The following KRT27 variants were observed in gnomAD, a reference collection of about 807,000 sequenced individuals.
KRT27 encodes keratin 27, also known as keratin, type I cytoskeletal 27.
A neutral mutation model predicts 45.3 loss-of-function variants in KRT27; 30 were observed. The ratio of observed to expected loss-of-function variants is 0.66; its 90% CI spans 0.50 to 0.90. The LOEUF is 0.90. Among genes scored for constraint, KRT27 ranks in the 40% least tolerant of loss-of-function variants. The probability of loss-of-function intolerance (pLI) is 0.00; values close to 1 mark genes in which losing one functional copy is unlikely to be tolerated. For synonymous variants in KRT27, 204 were observed against 223.9 expected, an observed-to-expected ratio of 0.91 and a Z score of 0.79; for missense variants, 610 against 564.3, an observed-to-expected ratio of 1.08 and a Z score of -0.82.
Position 40,782,144 on chromosome 17 carries a change from T to A in KRT27, c.350A>T (p.Lys117Met). ...EANADLEQKI[K>M]GWYEKFGPGS... is the part of the protein sequence containing the mutation. ...AGGTCCAAATTTCTCATACCACCCC[T>A]TGATCTTCTGCTCCAAGTCAGCGTT... Residue 117 changes from lysine to methionine, a missense_variant, in exon 1 of 8, where the codon AAG becomes ATG. By Grantham distance (95) the Lys-to-Met change is moderately conservative. Transcript: ENST00000301656. The A allele has an allele frequency of 6.2e-7, 1 of 1,614,186 alleles. No homozygotes were observed. The highest frequency in any genetic ancestry group is 8.5e-7 in the Non-Finnish European group (1 of 1,180,024).
Position 40,782,088 on chromosome 17 carries a change from T to A in KRT27, c.406A>T (p.Ser136Cys). 1 of 1,613,598 alleles carries A rather than the reference T, an allele frequency of 6.2e-7. No homozygotes were observed. ...TCGTCAATAATTGGGAAATATCTGC[T>A]GTAATCATGATCAAGGCCACGGCAA... ...GSCRGLDHDYSRYFPIIDELK... is the reference protein window; with the variant it reads ...GSCRGLDHDYCRYFPIIDELK... The change falls in exon 1 of 8, where the codon AGC becomes TGC. Residue 136 changes from serine (S) to cysteine (C), a missense_variant. By Grantham distance (112) the Ser-to-Cys change is moderately radical (BLOSUM62 -1). Coordinates refer to ENST00000301656, the MANE Select transcript of KRT27 (RefSeq NM_181537.4).
At position 40,782,418 on chromosome 17, in the gene KRT27, C is replaced by G. The variant is rs199775750; in HGVS notation, c.76G>C (p.Gly26Arg). ...TTTCCAGCCCCAAAGCCTGCTCCCCCACTAGAGAGCCTCACAGAGCCAGTG... is the reference window on the plus strand; with the variant it reads ...TTTCCAGCCCCAAAGCCTGCTCCCCGACTAGAGAGCCTCACAGAGCCAGTG... ...GGTGSVRLSS[G>R]GAGFGAGNTC... The change falls in exon 1 of 8, where the codon GGG becomes CGG. Residue 26 changes from glycine (G) to arginine (R), a missense_variant. Gly to Arg is a moderately radical substitution (Grantham distance 125). Transcript: ENST00000301656. 15 of 1,612,390 alleles carry G rather than the reference C, an allele frequency of 9.3e-6. No homozygotes were observed. Among genetic ancestry groups the G allele is most frequent in the Middle Eastern group, 1.6e-4 (1 of 6,084 alleles).
At chr17:40,778,426 A>G (rs1185328480) in intron 5 of KRT27, among the ~76,000 whole-genome samples, 1 of 152,232 alleles carries the variant, frequency 6.6e-6, no homozygotes, top group African/African-American at 2.4e-5. Context: ...CTGGTGGTTT[A>G]CTAGCCATAG....
intron 7 of KRT27, 30 bp from the exon 8 acceptor site, chr17:40,777,168 T>C (rs763648162): frequency 1.9e-6 from 3 of 1,611,554 alleles, no homozygotes; most frequent in Non-Finnish European, 2.5e-6. Context: ...CTGTTTAGAA[T>C]TTATCAAATT....
chr17:40,778,908 A>C (rs951870347), intron 5 of KRT27, among the ~76,000 whole-genome samples: 1 of 152,152 alleles, frequency 6.6e-6, no homozygotes, highest in Non-Finnish European at 1.5e-5. Flanking sequence ...ATTTCAAAAC[A>C]CACAATGTGT....
At chr17:40,780,002 A>G (rs2038297124) in intron 3 of KRT27, 141 bp from the exon 4 acceptor site, 1 of 1,050,070 alleles carries the variant, frequency 9.5e-7, no homozygotes, top group Non-Finnish European at 1.3e-6. Flanking sequence ...CCTGGCCTCA[A>G]GCGATCCTCC....
chr17:40,777,340 T>A, intron 6 of KRT27, 38 bp from the exon 7 acceptor site: 1 of 1,585,222 alleles, frequency 6.3e-7, no homozygotes, highest in Non-Finnish European at 8.6e-7. Flanking sequence ...ATTATTCTGT[T>A]TTACTGAGGA....
In KRT27 at chr17:40,780,349, A is replaced by G; in HGVS notation, c.635T>C (p.Leu212Pro). Residue 212 changes from leucine (L) to proline (P), a missense_variant, in exon 3 of 8, where the codon CTG (leucine) becomes CCG (proline). By Grantham distance (98) the Leu-to-Pro change is moderately conservative. Coordinates refer to ENST00000301656, the MANE Select transcript of KRT27 (RefSeq NM_181537.4). ...AGCGAGCTCCTCACTGAGAGTTTCC[A>G]GCTGGATCTCCAGGTCCGTTCTGCA... ...TLCRTDLEIQ[L>P]ETLSEELAYL... The G allele has an allele frequency of 6.2e-7, 1 of 1,612,962 alleles. No individual in the cohort carries two copies. Among genetic ancestry groups the G allele is most frequent in the Non-Finnish European group, 8.5e-7 (1 of 1,179,486 alleles).
At chr17:40,781,961 C>T (rs1258805858) in intron 1 of KRT27, 89 bp downstream of exon 1, 7 of 1,131,526 alleles carry the variant, frequency 6.2e-6, no homozygotes, top group Non-Finnish European at 8.7e-6. Context: ...GGGCAAAGCC[C>T]TGTTATTGTG....
In KRT27 at chr17:40,782,316, C is replaced by T. The variant is rs141587650; in HGVS notation, c.178G>A (p.Gly60Arg). 53 of 1,614,050 alleles carry T rather than the reference C, an allele frequency of 3.3e-5. No individual in the cohort carries two copies. Among genetic ancestry groups the T allele is most frequent in the South Asian group, 2.7e-4 (25 of 91,086 alleles). The stretch of plus-strand genomic sequence containing the variant: ...GAAGCACTTCCCCCGCCCAGACCTC[C>T]GCCATAGCCTCCTGCAGATGAGCTG... ...GGSSSAGGYG[G>R]GLGGGSASCA... Residue 60 changes from glycine (G) to arginine (R), a missense_variant, in exon 1 of 8, where the codon GGA (glycine) becomes AGA (arginine). Coordinates refer to ENST00000301656, the MANE Select transcript of KRT27 (RefSeq NM_181537.4).
chr17:40,781,933 C>A (rs942461283), intron 1 of KRT27, 117 bp downstream of exon 1: 2 of 815,744 alleles, frequency 2.5e-6, no homozygotes, highest in Non-Finnish European at 3.7e-6. Context: ...AAATGAACTC[C>A]TAAAATTTAG....
At chr17:40,778,109 G>C in intron 5 of KRT27, 1 of 194,660 alleles carries the variant, frequency 5.1e-6, no homozygotes, top group Non-Finnish European at 1.1e-5. Context: ...CTCATTTCTA[G>C]CCATGTGACA....
chr17:40,776,894 T>A lies in KRT27; in HGVS notation c.*105A>T. 1 of 1,030,578 alleles carries A rather than the reference T, an allele frequency of 9.7e-7. No individual in the cohort carries two copies. Among genetic ancestry groups the A allele is most frequent in the Non-Finnish European group, 1.4e-6 (1 of 701,654 alleles). 63.8% of individuals were successfully genotyped at this position (1,030,578 alleles called of 1,614,324 possible). On this transcript the variant is annotated 3_prime_UTR_variant, in exon 8 of 8. Transcript: ENST00000301656. ...GTACTATTCTAAAAATAACTTGTCT[T>A]AATTCATTGGAAGAAAAGCAGAAAA... is the stretch of plus-strand genomic sequence containing the variant.
At position 40,779,661 on chromosome 17, in the gene KRT27, G is replaced by GC. The variant is rs543698280; in HGVS notation, c.847-35dup. On this transcript the variant is annotated intron_variant, in intron 4 of 7. Coordinates refer to ENST00000301656, the MANE Select transcript of KRT27 (RefSeq NM_181537.4). ...GCAGGGGCCGCGTTAGGGCGCTGGGGCTGAGTCCGCGCCCGGGCGCACCCA... is the reference window on the plus strand; with the variant it reads ...GCAGGGGCCGCGTTAGGGCGCTGGGGCCTGAGTCCGCGCCCGGGCGCACCCA... 157 of 1,613,570 alleles carry GC rather than the reference G, an allele frequency of 9.7e-5. No homozygotes were observed. In the African/African-American group the frequency reaches 1.7e-3, roughly 17 times the overall value.
chr17:40,779,503 G>T lies in KRT27; in HGVS notation c.971C>A (p.Thr324Lys). 1 of 1,597,718 alleles carries T rather than the reference G, an allele frequency of 6.3e-7. No homozygotes were observed. The highest frequency in any genetic ancestry group is 8.5e-7 in the Non-Finnish European group (1 of 1,171,300). The change falls in exon 5 of 8, where the codon ACG becomes AAG. Residue 324 changes from threonine (T) to lysine (K), a missense_variant and splice_region_variant. Transcript: ENST00000301656. ...TCTGTTTTGTAACTTTTCGCTTACC[G>T]TTGCTAAGAGGGACTGAAGTTCAAT... ...LEIELQSLLA[T>K]KHSLECSLTE...
intron 5 of KRT27, among the ~76,000 whole-genome samples, chr17:40,779,077 C>A (rs2038287725): frequency 1.3e-5 from 2 of 152,094 alleles, no homozygotes; most frequent in African/African-American, 4.8e-5. Context: ...AACACTTGAA[C>A]TGATTCTCCC....
At chr17:40,780,856 T>A (rs534937206) in intron 2 of KRT27, among the ~76,000 whole-genome samples, 12 of 151,964 alleles carry the variant, frequency 7.9e-5, no homozygotes, top group African/African-American at 2.9e-4. Flanking sequence ...CTCCAAAAAA[T>A]AAATAAATAA....
chr17:40,779,945 AG>A (rs1237933692), intron 3 of KRT27, 84 bp from the exon 4 acceptor site: 1 of 1,436,578 alleles, frequency 7.0e-7, no homozygotes, highest in African/African-American at 1.4e-5. Flanking sequence ...TCTGATGCCT[AG>A]GCTGAAATGC....
chr17:40,779,786 T>C lies in KRT27; in HGVS notation c.760A>G (p.Thr254Ala). The C allele has an allele frequency of 2.5e-6, 4 of 1,614,266 alleles. No homozygotes were observed. Among genetic ancestry groups the C allele is most frequent in the Non-Finnish European group, 2.5e-6 (3 of 1,180,038 alleles). ...GCTCGCATATTGTTCAGCAGAACCG[T>C]GAGGTCTACCCCGGGGGCCGCGTTC... ...EMNAAPGVDL[T>A]VLLNNMRAEY... The change falls in exon 4 of 8, where the codon ACG becomes GCG. Residue 254 changes from threonine (T) to alanine (A), a missense_variant. Thr to Ala is a moderately conservative substitution (Grantham distance 58, BLOSUM62 0). Coordinates refer to ENST00000301656, the MANE Select transcript of KRT27 (RefSeq NM_181537.4).
Sources: gnomAD v4.1 joint callset for allele counts (sites outside exome capture counted in the v4.1 genomes callset) on GRCh38, gnomAD v4.1.1 for gene constraint, MANE v1.5 for transcripts, NCBI Gene and HGNC (gene_info 2026-07-23, HGNC 2026-07-21) for gene names.